The following NUDCD3 variants were observed in gnomAD, a reference collection of about 807,000 sequenced individuals.
NUDCD3 encodes NudC domain containing 3.
A neutral mutation model predicts 39.7 loss-of-function variants in NUDCD3; 13 were observed. That is an observed-to-expected ratio of 0.33 (90% CI 0.21 to 0.52). The LOEUF is 0.52. Among genes scored for constraint, NUDCD3 ranks in the 20% least tolerant of loss-of-function variants. NUDCD3 has a pLI of 0.96. For synonymous variants in NUDCD3, 175 were observed against 172.4 expected (o/e 1.02, Z -0.12); for missense variants, 453 against 458.1 (o/e 0.99, Z 0.10).
intron 1 of NUDCD3, among the ~76,000 whole-genome samples, chr7:44,488,092 T>A (rs1800651018): frequency 6.6e-6 from 1 of 152,062 alleles, no homozygotes; most frequent in South Asian, 2.1e-4. Flanking sequence ...ATCCTAGCAC[T>A]TTAGGAGGCC....
intron 2 of NUDCD3, among the ~76,000 whole-genome samples, chr7:44,449,637 C>A (rs1029041669): frequency 6.6e-6 from 1 of 152,010 alleles, no homozygotes. Context: ...GTACTTTCAA[C>A]AAATGATGCT....
chr7:44,439,267 G>A (rs1190332611), intron 2 of NUDCD3, among the ~76,000 whole-genome samples: 1 of 152,148 alleles, frequency 6.6e-6, no homozygotes, highest in African/African-American at 2.4e-5. Context: ...CCATGACAAA[G>A]AACTCACCTA....
chr7:44,425,110 G>A (rs1799208700), intron 3 of NUDCD3, among the ~76,000 whole-genome samples: 1 of 152,124 alleles, frequency 6.6e-6, no homozygotes, highest in South Asian at 2.1e-4. Flanking sequence ...CATGGACACA[G>A]GGAGGGGAAC....
chr7:44,432,382 T>C (rs984802798), intron 2 of NUDCD3, among the ~76,000 whole-genome samples: 7 of 152,192 alleles, frequency 4.6e-5, no homozygotes, highest in Non-Finnish European at 5.9e-5. Context: ...CTGAAGAGTT[T>C]TGTCTAGGAA....
intron 2 of NUDCD3, among the ~76,000 whole-genome samples, chr7:44,480,408 C>T (rs1800463622): frequency 6.6e-6 from 1 of 152,134 alleles, no homozygotes; most frequent in Admixed American, 6.5e-5. Context: ...CTATTTTCTT[C>T]CAGCTTTTTT....
At chr7:44,401,684 A>C (rs1487197724) in intron 4 of NUDCD3, among the ~76,000 whole-genome samples, 2 of 152,232 alleles carry the variant, frequency 1.3e-5, no homozygotes, top group Non-Finnish European at 2.9e-5. Flanking sequence ...AGCCGTGTTC[A>C]CGGGCAGTGA....
chr7:44,391,571 G>A (rs1474596481), intron 5 of NUDCD3, among the ~76,000 whole-genome samples: 1 of 152,144 alleles, frequency 6.6e-6, no homozygotes, highest in Non-Finnish European at 1.5e-5. Flanking sequence ...CCCAGCAGAT[G>A]ACCCCTCCCC....
chr7:44,392,626 G>T (rs1044722754), intron 4 of NUDCD3, 141 bp from the exon 5 acceptor site: 3 of 697,092 alleles, frequency 4.3e-6, no homozygotes, highest in Non-Finnish European at 4.8e-6. Context: ...CAGACAAGAG[G>T]GGGTGCCAGA....
At chr7:44,412,943 G>A (rs111999600) in intron 3 of NUDCD3, among the ~76,000 whole-genome samples, 23,911 of 124,806 alleles carry the variant, frequency 0.19, 2,216 homozygotes, top group Non-Finnish European at 0.22. Flanking sequence ...AAAAAAAAAA[G>A]AAAAAAAAAA....
chr7:44,389,735 A>G (rs1798473698), intron 5 of NUDCD3, among the ~76,000 whole-genome samples: 1 of 152,162 alleles, frequency 6.6e-6, no homozygotes, highest in Non-Finnish European at 1.5e-5. Context: ...AGACTATGCA[A>G]TGTTACAAGG....
rs186187221 is a variant in NUDCD3 at position 44,482,960 on chromosome 7, A to G, written c.509+2008T>C. Among the ~76,000 whole-genome samples, 49 of 152,356 alleles carry G rather than the reference A, an allele frequency of 3.2e-4. 1 individual carries two copies. The highest frequency in any genetic ancestry group is 2.1e-3 in the Admixed American group (32 of 15,306). On this transcript the variant is annotated intron_variant, in intron 2 of 5. Coordinates refer to ENST00000355451, the MANE Select transcript of NUDCD3 (RefSeq NM_015332.4). ...CTATCTGAAATTAAGAAGTTACTAG[A>G]TGAGTTTAACTACAGATTAGACACC...
rs1799062522 is a variant in NUDCD3, at chr7:44,418,154, C to T, written c.642+9417G>A. 7.2e-5 allele frequency among the ~76,000 whole-genome samples: 11 copies of T among 152,250 alleles called. 1 individual carries two copies. The South Asian group carries it at 2.3e-3, about 32-fold the overall frequency. The stretch of plus-strand genomic sequence containing the variant: ...GGTCATGGAGTCGGAAGGCACAGGA[C>T]AGGAGGGCCAGAGGGACTCAGCTCC... On this transcript the variant is annotated intron_variant, in intron 3 of 5. Coordinates refer to ENST00000355451, the MANE Select transcript of NUDCD3 (RefSeq NM_015332.4).
intron 4 of NUDCD3, among the ~76,000 whole-genome samples, chr7:44,395,773 T>C (rs776746613): frequency 5.3e-5 from 8 of 152,240 alleles, no homozygotes; most frequent in Non-Finnish European, 1.0e-4. Flanking sequence ...CTTTTTAAGG[T>C]TGAATAATAT....
chr7:44,453,080 C>T (rs1011876875), intron 2 of NUDCD3, among the ~76,000 whole-genome samples: 4 of 152,146 alleles, frequency 2.6e-5, no homozygotes. Context: ...TGGCCGGGTG[C>T]GGTGGCTCAC....
chr7:44,436,947 T>C (rs1205648428), intron 2 of NUDCD3, among the ~76,000 whole-genome samples: 1 of 152,116 alleles, frequency 6.6e-6, no homozygotes, highest in Non-Finnish European at 1.5e-5. Flanking sequence ...AACATTTTTA[T>C]ATACTCAGAA....
rs999510044 is a variant in NUDCD3, at chr7:44,458,658, C to T, written c.509+26310G>A. ...GCGCAACAAGAGCGAAACTCTGTCT[C>T]GGGGGAAAAAAAAAGTTCTGGAATT... On this transcript the variant is annotated intron_variant, in intron 2 of 5. Transcript: ENST00000355451. 3.6e-5 allele frequency among the ~76,000 whole-genome samples: 5 copies of T among 137,954 alleles called. No individual in the cohort carries two copies. The South Asian group carries it at 9.1e-4, about 25-fold the overall frequency. 90.5% of individuals were successfully genotyped at this position (137,954 alleles called of 152,430 possible).
At chr7:44,480,646 T>C (rs1361124167) in intron 2 of NUDCD3, among the ~76,000 whole-genome samples, 1 of 151,930 alleles carries the variant, frequency 6.6e-6, no homozygotes, top group Non-Finnish European at 1.5e-5. Flanking sequence ...GGATCAAAAA[T>C]ATTCCCAAAA....
rs1444613262 is a variant in NUDCD3 at position 44,385,027 on chromosome 7, T to C, written c.*984A>G. ...AGGATGGGAAGAGGGGAGTCTTCACTCTCTTCTGGTTCAGTTGTGGTGGGA... is the reference window on the plus strand; with the variant it reads ...AGGATGGGAAGAGGGGAGTCTTCACCCTCTTCTGGTTCAGTTGTGGTGGGA... On this transcript the variant is annotated 3_prime_UTR_variant, in exon 6 of 6. Coordinates refer to ENST00000355451, the MANE Select transcript of NUDCD3 (RefSeq NM_015332.4). 1 of 152,126 alleles carries C rather than the reference T, an allele frequency of 6.6e-6. No individual in the cohort carries two copies. Among genetic ancestry groups the C allele is most frequent in the Non-Finnish European group, 1.5e-5 (1 of 68,050 alleles). 9.4% of individuals were successfully genotyped at this position (152,126 alleles called of 1,614,324 possible). A position where few individuals can be genotyped will look rare whatever the true frequency, so the allele number is the denominator to read the frequency against.
Position 44,379,586 on chromosome 7 carries a change from C to G in NUDCD3, c.*6425G>C, listed in dbSNP as rs538122456. 2.0e-5 allele frequency: 3 copies of G among 152,408 alleles called. No homozygotes were observed. In the East Asian group the frequency reaches 5.8e-4, roughly 29 times the overall value. 9.4% of individuals were successfully genotyped at this position (152,408 alleles called of 1,614,324 possible). On this transcript the variant is annotated 3_prime_UTR_variant, in exon 6 of 6. Transcript: ENST00000355451. ...GGCCCTGCACTCAGTTAATGCTCTA[C>G]TGTTGCTGTCTGGATATCACTTGAC...
Sources: gnomAD v4.1 joint callset for allele counts (sites outside exome capture counted in the v4.1 genomes callset) on GRCh38, gnomAD v4.1.1 for gene constraint, MANE v1.5 for transcripts, NCBI Gene and HGNC (gene_info 2026-07-23, HGNC 2026-07-21) for gene names.